The following EIF5A variants were observed in gnomAD, a reference collection of about 807,000 sequenced individuals.
EIF5A encodes eukaryotic translation initiation factor 5A-1.
A neutral mutation model predicts 16.6 loss-of-function variants in EIF5A; 1 was observed. The observed-to-expected ratio is 0.06, with a 90% CI of 0.02 to 0.28. The LOEUF is 0.28. Ranked by LOEUF, EIF5A falls within the 10% of genes least tolerant of loss-of-function variation. EIF5A has a pLI of 1.00. For synonymous variants in EIF5A, 80 were observed against 73.6 expected, an observed-to-expected ratio of 1.09 and a Z score of -0.44; for missense variants, 29 against 196.1, an observed-to-expected ratio of 0.15 and a Z score of 5.09.
At chr17:7,308,626 C>T in intron 1 of EIF5A, 2 of 1,339,552 alleles carry the variant, frequency 1.5e-6, no homozygotes, top group Non-Finnish European at 2.0e-6. Context: ...GGAAACAGGG[C>T]GTTTGGACAG....
chr17:7,309,955 A>T (rs2072764908), intron 2 of EIF5A, 155 bp downstream of exon 2: 3 of 1,548,738 alleles, frequency 1.9e-6, no homozygotes, highest in South Asian at 2.4e-5. Flanking sequence ...CCATTCAGAC[A>T]ACTACACCTG....
chr17:7,310,412 CTT>C, intron 2 of EIF5A: 1 of 1,182,706 alleles, frequency 8.5e-7, no homozygotes, highest in Non-Finnish European at 1.1e-6. Context: ...TTTCCTGTCT[CTT>C]TAGAATTTCA....
intron 2 of EIF5A, 31 bp downstream of exon 2, chr17:7,309,831 C>A: frequency 6.2e-7 from 1 of 1,614,100 alleles, no homozygotes; most frequent in Non-Finnish European, 8.5e-7. Flanking sequence ...TCTTGCCTTC[C>A]CCATGCCTCC....
chr17:7,310,954 T>C, intron 2 of EIF5A, 64 bp from the exon 3 acceptor site: 1 of 1,544,874 alleles, frequency 6.5e-7, no homozygotes, highest in Non-Finnish European at 8.8e-7. Context: ...CAAGGTCAAT[T>C]TGAGCCTTTA....
At chr17:7,307,437 A>C, upstream of EIF5A, 2 of 1,106,192 alleles carry the variant, frequency 1.8e-6, no homozygotes, top group Non-Finnish European at 2.2e-6. Flanking sequence ...AGATTAGTTG[A>C]AAACGCTCAG....
intron 2 of EIF5A, chr17:7,310,714 G>T: frequency 1.0e-6 from 1 of 985,242 alleles, no homozygotes; most frequent in Non-Finnish European, 1.2e-6. Context: ...CTTTTACTCA[G>T]ACTCCTCCCA....
chr17:7,310,351 C>T, intron 2 of EIF5A: 1 of 1,227,736 alleles, frequency 8.1e-7, no homozygotes, highest in South Asian at 1.4e-5. Context: ...AGCCTCCATG[C>T]TTTCATGGGT....
intron 5 of EIF5A, 30 bp from the exon 6 acceptor site, chr17:7,311,792 C>T (rs1013773957): frequency 5.2e-6 from 6 of 1,154,212 alleles, no homozygotes; most frequent in South Asian, 3.0e-5. Context: ...AGGTATTATC[C>T]TGTCTTACTA....
At position 7,311,558 on chromosome 17, in the gene EIF5A, T is replaced by C. The variant is rs1372191878; in HGVS notation, c.403-20T>C. 9 of 1,614,200 alleles carry C rather than the reference T, an allele frequency of 5.6e-6. No homozygotes were observed. The highest frequency in any genetic ancestry group is 7.6e-6 in the Non-Finnish European group (9 of 1,180,038). ...TTCCTGAGCTCAGACATCTCTTGGCTATCCCTCTTGCTTCTCCAGATCACG... is the reference window on the plus strand; with the variant it reads ...TTCCTGAGCTCAGACATCTCTTGGCCATCCCTCTTGCTTCTCCAGATCACG... On this transcript the variant is annotated intron_variant, in intron 4 of 5. Transcript: ENST00000336458.
At chr17:7,307,369 C>T, upstream of EIF5A, 1 of 1,239,580 alleles carries the variant, frequency 8.1e-7, no homozygotes, top group South Asian at 2.7e-5. Flanking sequence ...AGCGGTCTAT[C>T]AAGGGGAGGG....
chr17:7,307,649 A>AGCGGCGGCGGCGGTAGAGGCGGCG lies in EIF5A; in HGVS notation c.-113_-90dup, dbSNP rs1025006564. 6 of 1,050,612 alleles carry AGCGGCGGCGGCGGTAGAGGCGGCG rather than the reference A, an allele frequency of 5.7e-6. No individual in the cohort carries two copies. Among genetic ancestry groups the AGCGGCGGCGGCGGTAGAGGCGGCG allele is most frequent in the Non-Finnish European group, 6.9e-6 (6 of 872,970 alleles). 65.1% of individuals were successfully genotyped at this position (1,050,612 alleles called of 1,614,324 possible). On this transcript the variant is annotated 5_prime_UTR_variant, in exon 1 of 6. Transcript: ENST00000336458. Reference sequence around the variant, plus strand: ...CTGCGTACTAAGACCCGTGTGCAGCAGCGGCGGCGGCGGTAGAGGCGGCGG... The same window carrying AGCGGCGGCGGCGGTAGAGGCGGCG: ...CTGCGTACTAAGACCCGTGTGCAGCAGCGGCGGCGGCGGTAGAGGCGGCGGCGGCGGCGGCGGTAGAGGCGGCGG...
In EIF5A at chr17:7,311,041, C is replaced by T. The variant is rs772409661; in HGVS notation, c.189C>T (p.Ile63=). The T allele has an allele frequency of 3.0e-5, 49 of 1,613,692 alleles. No individual in the cohort carries two copies. The highest frequency in any genetic ancestry group is 4.0e-5 in the Non-Finnish European group (47 of 1,179,782). ...AGGTCCATCTGGTTGGTATTGACAT[C>T]TTTACTGGGAAGAAATATGAAGATA... The part of the protein sequence containing the change: ...HAKVHLVGID[I]FTGKKYEDIC... The change falls in exon 3 of 6, where the codon ATC becomes ATT. Residue 63 remains isoleucine (I), a synonymous_variant. Transcript: ENST00000336458.
chr17:7,311,209 G>A, intron 3 of EIF5A, 87 bp downstream of exon 3: 3 of 1,579,764 alleles, frequency 1.9e-6, no homozygotes, highest in Non-Finnish European at 2.6e-6. Context: ...GAGAGCTTGT[G>A]CTGGGAGAGA....
In EIF5A at chr17:7,307,769, C is replaced by A; in HGVS notation, c.-22+17C>A. 1.0e-6 allele frequency: 1 copy of A among 990,500 alleles called. No homozygotes were observed. The highest frequency in any genetic ancestry group is 1.2e-6 in the Non-Finnish European group (1 of 836,136). The allele number at this position is 990,500 out of a possible 1,614,324, so 61.4% of individuals were successfully genotyped here. A position where few individuals can be genotyped will look rare whatever the true frequency, so the allele number is the denominator to read the frequency against. ...TCGCGCGAGGTGAGAGCGGGCAGGG[C>A]GCGTGTGCGCGGTACCTTGGCTTGG... On this transcript the variant is annotated intron_variant, in intron 1 of 5. Coordinates refer to ENST00000336458, the MANE Select transcript of EIF5A (RefSeq NM_001970.5).
chr17:7,309,817 C>T lies in EIF5A; in HGVS notation c.165+17C>T, dbSNP rs765739781. 10 of 1,614,106 alleles carry T rather than the reference C, an allele frequency of 6.2e-6. No individual in the cohort carries two copies. The East Asian group carries it at 8.9e-5, about 14-fold the overall frequency. On this transcript the variant is annotated intron_variant, in intron 2 of 5. Transcript: ENST00000336458. ...CACGCCAAGGTTAGAATTTCACCTC[C>T]GCATCTTGCCTTCCCCATGCCTCCA...
chr17:7,307,495 T>A, upstream of EIF5A: 1 of 955,898 alleles, frequency 1.0e-6, no homozygotes, highest in Non-Finnish European at 1.2e-6. Context: ...GACGGGTCGG[T>A]GGGAGGGAGG....
Position 7,309,745 on chromosome 17 carries a change from C to T in EIF5A, c.110C>T (p.Pro37Leu). The T allele has an allele frequency of 6.2e-7, 1 of 1,614,220 alleles. No homozygotes were observed. Among genetic ancestry groups the T allele is most frequent in the East Asian group, 2.2e-5 (1 of 44,884 alleles). Residue 37 changes from proline (P) to leucine (L), a missense_variant, in exon 2 of 6, where the codon CCA (proline) becomes CTA (leucine). Transcript: ENST00000336458. ...GGCTTTGTGGTGCTCAAAGGCCGGC[C>T]ATGTAAGATCGTCGAGATGTCTACT... ...KNGFVVLKGRPCKIVEMSTSK... is the reference protein window; with the variant it reads ...KNGFVVLKGRLCKIVEMSTSK...
Position 7,311,583 on chromosome 17 carries a change from G to C in EIF5A, c.408G>C (p.Thr136=). The C allele has an allele frequency of 5.6e-6, 9 of 1,614,158 alleles. No homozygotes were observed. Among genetic ancestry groups the C allele is most frequent in the South Asian group, 1.1e-5 (1 of 91,082 alleles). The change falls in exon 5 of 6, where the codon ACG becomes ACC. Residue 136 remains threonine, a synonymous_variant. Coordinates refer to ENST00000336458, the MANE Select transcript of EIF5A (RefSeq NM_001970.5). The part of the protein sequence containing the change: ...KYDCGEEILI[T]VLSAMTEEAA... ...TATCCCTCTTGCTTCTCCAGATCAC[G>C]GTGCTGTCTGCCATGACAGAGGAGG... is the stretch of plus-strand genomic sequence containing the variant.
chr17:7,309,980 G>A (rs2072765526), intron 2 of EIF5A, 180 bp downstream of exon 2: 3 of 1,534,900 alleles, frequency 2.0e-6, no homozygotes, highest in Non-Finnish European at 2.6e-6. Context: ...CCAGTCTTCA[G>A]CCTCTTCTGT....
Sources: allele counts gnomAD v4.1 joint callset, GRCh38; gene constraint gnomAD v4.1.1; transcripts MANE v1.5; gene names NCBI Gene and HGNC (gene_info 2026-07-23, HGNC 2026-07-21).